C1QTNF3: variants seen among roughly 807,000 people sequenced by gnomAD.
C1QTNF3 encodes the protein C1q and TNF related 3.
A neutral mutation model predicts 32.6 loss-of-function variants in C1QTNF3; 26 were observed. That is an observed-to-expected ratio of 0.80 (90% CI 0.58 to 1.11). C1QTNF3 has a LOEUF of 1.11. C1QTNF3 is among the 50% of genes least tolerant of loss of function. The pLI is 0.00. For missense variants in C1QTNF3, 362 were observed against 398.2 expected (o/e 0.91, Z 0.77); for synonymous variants, 155 against 146.0 (o/e 1.06, Z -0.44).
chr5:34,083,675 T>C, the C1QTNF3 span, among the ~76,000 whole-genome samples: 1 of 151,982 alleles, frequency 6.6e-6, no homozygotes, highest in East Asian at 1.9e-4. Flanking sequence ...CATTCTTTTA[T>C]GTTGGGAACT....
chr5:34,048,241 A>ATGTGTGTGTTAAGCATGGTAG, the C1QTNF3 span, among the ~76,000 whole-genome samples: 1 of 151,004 alleles, frequency 6.6e-6, no homozygotes, highest in Non-Finnish European at 1.5e-5. Flanking sequence ...CTAATCAGAG[A>ATGTGTGTGTTAAGCATGGTAG]TGTGTGTGTT....
chr5:34,143,844 C>T, the C1QTNF3 span, among the ~76,000 whole-genome samples: 1 of 152,110 alleles, frequency 6.6e-6, no homozygotes, highest in Admixed American at 6.5e-5. Context: ...AGCACATAGC[C>T]CGCAGACACT....
At chr5:34,030,980 G>A (rs1274447013) in intron 3 of C1QTNF3, among the ~76,000 whole-genome samples, 2 of 151,770 alleles carry the variant, frequency 1.3e-5, no homozygotes, top group Non-Finnish European at 2.9e-5. Flanking sequence ...ATAACCAATG[G>A]GTACTAGGCT....
chr5:34,058,053 G>T, the C1QTNF3 span, among the ~76,000 whole-genome samples: 56 of 152,240 alleles, frequency 3.7e-4, no homozygotes, highest in African/African-American at 1.3e-3. Context: ...TCTGTAAGAG[G>T]GCTCCATCTG....
At chr5:34,061,021 G>A in the C1QTNF3 span, among the ~76,000 whole-genome samples, 1 of 152,192 alleles carries the variant, frequency 6.6e-6, no homozygotes, top group Non-Finnish European at 1.5e-5. Flanking sequence ...GAAATCAAAA[G>A]CAAGTTAGTT....
At chr5:34,154,575 A>G in the C1QTNF3 span, among the ~76,000 whole-genome samples, 1 of 152,196 alleles carries the variant, frequency 6.6e-6, no homozygotes, top group Non-Finnish European at 1.5e-5. Flanking sequence ...AATGCTGAGA[A>G]CTAGTTTTCA....
the C1QTNF3 span, among the ~76,000 whole-genome samples, chr5:34,210,316 C>T: frequency 3.9e-5 from 6 of 152,112 alleles, no homozygotes; most frequent in Non-Finnish European, 5.9e-5. Flanking sequence ...GCACATACTA[C>T]GTCATAGGCT....
the C1QTNF3 span, among the ~76,000 whole-genome samples, chr5:34,201,595 C>A: frequency 6.6e-6 from 1 of 152,108 alleles, no homozygotes; most frequent in South Asian, 2.1e-4. Context: ...ACCTACAAAA[C>A]TTAGATGGTG....
chr5:34,043,205 A>G lies in C1QTNF3; in HGVS notation c.-80T>C. 6.9e-7 allele frequency: 1 copy of G among 1,447,910 alleles called. No homozygotes were observed. Among genetic ancestry groups the G allele is most frequent in the Admixed American group, 2.1e-5 (1 of 48,706 alleles). The allele number at this position is 1,447,910 out of a possible 1,614,324, so 89.7% of individuals were successfully genotyped here. A position where few individuals can be genotyped will look rare whatever the true frequency, so the allele number is the denominator to read the frequency against. ...GTGGTCTCCTCGGGCAGATGCCAGG[A>G]CTGGAGCTGAGAGCTGCAGCGGCGG... On this transcript the variant is annotated 5_prime_UTR_variant, in exon 1 of 6. Transcript: ENST00000382065.
At chr5:34,047,316 C>G (rs193272049), upstream of C1QTNF3, among the ~76,000 whole-genome samples, 18 of 152,384 alleles carry the variant, frequency 1.2e-4, no homozygotes, top group East Asian at 3.5e-3. Flanking sequence ...TATGAATATA[C>G]ATGTAAAAGC....
At chr5:34,160,585 C>T in the C1QTNF3 span, among the ~76,000 whole-genome samples, 44 of 152,202 alleles carry the variant, frequency 2.9e-4, 2 homozygotes, top group South Asian at 8.1e-3. Context: ...TTAAGAGTTC[C>T]GTTACTCTAG....
the C1QTNF3 span, among the ~76,000 whole-genome samples, chr5:34,216,824 T>C: frequency 6.6e-6 from 1 of 152,138 alleles, no homozygotes; most frequent in Non-Finnish European, 1.5e-5. Flanking sequence ...TAAATAGGCC[T>C]TCTTACTTCA....
chr5:34,020,588 T>TA lies in C1QTNF3; in HGVS notation c.954dup (p.Lys319Ter). The TA allele has an allele frequency of 6.2e-7, 1 of 1,614,044 alleles. No individual in the cohort carries two copies. The highest frequency in any genetic ancestry group is 1.1e-5 in the South Asian group (1 of 91,072). On this transcript the variant is annotated frameshift_variant, in exon 6 of 6. Transcript: ENST00000382065. LOFTEE classifies it high-confidence loss of function. ...GAGCTATTCTAGTCATATATTTACTTAGTTTCAAAGAGCAGGAATCCTGCA... is the reference window on the plus strand; with the variant it reads ...GAGCTATTCTAGTCATATATTTACTTAAGTTTCAAAGAGCAGGAATCCTGCA...
At chr5:34,058,956 G>T in the C1QTNF3 span, among the ~76,000 whole-genome samples, 1 of 152,174 alleles carries the variant, frequency 6.6e-6, no homozygotes, top group Non-Finnish European at 1.5e-5. Flanking sequence ...AAGAGGAAGA[G>T]GTCAAGACGA....
the C1QTNF3 span, among the ~76,000 whole-genome samples, chr5:34,055,091 C>A: frequency 6.6e-6 from 1 of 152,152 alleles, no homozygotes; most frequent in Non-Finnish European, 1.5e-5. Context: ...GGAAACTAAT[C>A]AATTTATTTT....
the C1QTNF3 span, among the ~76,000 whole-genome samples, chr5:34,212,626 T>C: frequency 2.6e-5 from 4 of 151,712 alleles, no homozygotes; most frequent in Non-Finnish European, 4.4e-5. Context: ...AAAGAAGACA[T>C]TTATGCAGCC....
the C1QTNF3 span, among the ~76,000 whole-genome samples, chr5:34,135,487 A>G: frequency 6.6e-6 from 1 of 152,222 alleles, no homozygotes; most frequent in East Asian, 1.9e-4. Flanking sequence ...TAGTTTCAGA[A>G]GGAATGGTAA....
the C1QTNF3 span, among the ~76,000 whole-genome samples, chr5:34,056,491 G>T: frequency 0.068 from 6,501 of 95,218 alleles, 67 homozygotes; most frequent in Non-Finnish European, 0.082. Flanking sequence ...GAGAGAGAGA[G>T]AGAGAGAGAG....
chr5:34,198,182 C>G, the C1QTNF3 span, among the ~76,000 whole-genome samples: 1 of 144,908 alleles, frequency 6.9e-6, no homozygotes, highest in Non-Finnish European at 1.5e-5. Flanking sequence ...GCAGACGTTG[C>G]AGTGAGCTGA....
Sources: gnomAD v4.1 joint callset for allele counts (sites outside exome capture counted in the v4.1 genomes callset) on GRCh38, gnomAD v4.1.1 for gene constraint, MANE v1.5 for transcripts, NCBI Gene and HGNC (gene_info 2026-07-23, HGNC 2026-07-21) for gene names.